Variants in IDH2 observed in about 807,000 individuals in gnomAD.
IDH2 encodes the protein isocitrate dehydrogenase (NADP(+)) 2, also known as isocitrate dehydrogenase [NADP], mitochondrial.
In IDH2, 18 loss-of-function variants were observed where a neutral mutation model predicts 50.5. That is an observed-to-expected ratio of 0.36 (90% CI 0.25 to 0.53). The LOEUF (loss-of-function observed/expected upper bound fraction) is 0.53, where lower values mean the gene tolerates loss of function less well. Ranked by LOEUF, IDH2 falls within the 20% of genes least tolerant of loss-of-function variation. The pLI is 0.92. For synonymous variants in IDH2, 280 were observed against 239.8 expected (o/e 1.17, Z -1.55); for missense variants, 518 against 610.7 (o/e 0.85, Z 1.60).
At position 90,088,451 on chromosome 15, in the gene IDH2, A is replaced by T. The variant is rs917135445; in HGVS notation, c.586T>A (p.Phe196Ile). The part of the protein sequence containing the change: ...ADRAGTFKMV[F>I]TPKDGSGVKE... ...ACACCACTGCCATCTTTTGGGGTGA[A>T]GACCATTTTGAAAGTGCCGGCCCGG... is the stretch of plus-strand genomic sequence containing the variant. Residue 196 changes from phenylalanine (F) to isoleucine (I), a missense_variant, in exon 5 of 11, where the codon TTC becomes ATC. Phe to Ile is a conservative substitution (Grantham distance 21). This residue lies in a region of IDH2 where 207 missense variants were observed against 208.6 expected (regional missense o/e 0.99). Transcript: ENST00000330062. The T allele has an allele frequency of 6.2e-7, 1 of 1,614,204 alleles. No homozygotes were observed. The highest frequency in any genetic ancestry group is 8.5e-7 in the Non-Finnish European group (1 of 1,180,030).
intron 5 of IDH2, among the ~76,000 whole-genome samples, chr15:90,088,011 T>C (rs1477808297): frequency 1.3e-5 from 2 of 152,162 alleles, no homozygotes; most frequent in East Asian, 1.9e-4. Flanking sequence ...GAGCTGGAAC[T>C]GGGGATAAAG....
chr15:90,099,476 G>A (rs1174198987), intron 1 of IDH2, among the ~76,000 whole-genome samples: 1 of 152,104 alleles, frequency 6.6e-6, no homozygotes, highest in East Asian at 1.9e-4. Context: ...CTTTTTGGGG[G>A]GAGAAGGGGG....
chr15:90,102,088 G>T lies in IDH2; in HGVS notation c.115+188C>A, dbSNP rs1901348311. ...CCGTCCCTCAAGTCCCCACCCCAGC[G>T]CCTGGCACGGCCGGGAAGCGCCGGG... On this transcript the variant is annotated intron_variant, in intron 1 of 10. Coordinates refer to ENST00000330062, the MANE Select transcript of IDH2 (RefSeq NM_002168.4). Among the ~76,000 whole-genome samples, 4 of 151,884 alleles carry T rather than the reference G, an allele frequency of 2.6e-5. No homozygotes were observed. In the South Asian group the frequency reaches 8.3e-4, roughly 31 times the overall value.
At chr15:90,092,813 A>G (rs538076487) in intron 1 of IDH2, among the ~76,000 whole-genome samples, 2 of 152,254 alleles carry the variant, frequency 1.3e-5, no homozygotes, top group Admixed American at 6.5e-5. Flanking sequence ...CCTGACCTCA[A>G]GTGATCCACC....
rs561237245 is a variant in IDH2 at position 90,083,980 on chromosome 15, T to C, written c.*286A>G. ...TCAGGGACAAACACAGCAGACAATT[T>C]TGTGAAGAGCTTTTTAGTAGCTAAA... On this transcript the variant is annotated 3_prime_UTR_variant, in exon 11 of 11. Transcript: ENST00000330062. 11 of 501,010 alleles carry C rather than the reference T, an allele frequency of 2.2e-5. 1 individual carries two copies. In the South Asian group the frequency reaches 2.3e-4, roughly 11 times the overall value. The allele number at this position is 501,010 out of a possible 1,614,324, so 31.0% of individuals were successfully genotyped here. A position where few individuals can be genotyped will look rare whatever the true frequency, so the allele number is the denominator to read the frequency against.
Position 90,088,439 on chromosome 15 carries a change from C to T in IDH2, c.598G>A (p.Asp200Asn). Reference protein sequence around the residue: ...GTFKMVFTPKDGSGVKEWEVY... With the variant: ...GTFKMVFTPKNGSGVKEWEVY... ...TCCCACTCCTTGACACCACTGCCAT[C>T]TTTTGGGGTGAAGACCATTTTGAAA... Residue 200 changes from aspartate (D) to asparagine (N), a missense_variant, in exon 5 of 11, where the codon GAT becomes AAT. Around this residue, in one of 5 missense-constraint regions of IDH2, gnomAD observed 207 missense variants for 208.6 expected, o/e 0.99. Coordinates refer to ENST00000330062, the MANE Select transcript of IDH2 (RefSeq NM_002168.4). 2 of 1,614,240 alleles carry T rather than the reference C, an allele frequency of 1.2e-6. No homozygotes were observed. Among genetic ancestry groups the T allele is most frequent in the African/African-American group, 1.3e-5 (1 of 75,070 alleles).
Position 90,090,570 on chromosome 15 carries a change from G to C in IDH2, c.282C>G (p.Asp94Glu), listed in dbSNP as rs1363662099. The change falls in exon 3 of 11, where the codon GAC (aspartate) becomes GAG (glutamate). Residue 94 changes from aspartate (D) to glutamate (E), a missense_variant. Asp to Glu is a conservative substitution (Grantham distance 45, BLOSUM62 2). Around this residue, in one of 5 missense-constraint regions of IDH2, gnomAD observed 68 missense variants for 109.7 expected, o/e 0.62. Transcript: ENST00000330062. ...LGLPNRDQTDDQVTIDSALAT... is the reference protein window; with the variant it reads ...LGLPNRDQTDEQVTIDSALAT... Reference sequence around the variant, plus strand: ...CCAGTGCAGAGTCAATGGTGACCTGGTCATCAGTCTGGTCACGGTTTGGGA... The same window carrying C: ...CCAGTGCAGAGTCAATGGTGACCTGCTCATCAGTCTGGTCACGGTTTGGGA... The C allele has an allele frequency of 1.2e-6, 2 of 1,614,120 alleles. No homozygotes were observed. The highest frequency in any genetic ancestry group is 1.7e-5 in the Admixed American group (1 of 60,026).
chr15:90,088,398 G>A lies in IDH2; in HGVS notation c.639C>T (p.Pro213=), dbSNP rs1409403464. ...ACATGCCCATGCCCACGCCGCCTGC[G>A]GGGAAGTTGTACACTTCCCACTCCT... The part of the protein sequence containing the change: ...GVKEWEVYNF[P]AGGVGMGMYN... Residue 213 remains proline (P), a synonymous_variant, in exon 5 of 11, where the codon CCC becomes CCT. Coordinates refer to ENST00000330062, the MANE Select transcript of IDH2 (RefSeq NM_002168.4). 33 of 1,614,032 alleles carry A rather than the reference G, an allele frequency of 2.0e-5. No homozygotes were observed. The highest frequency in any genetic ancestry group is 8.0e-5 in the African/African-American group (6 of 74,932).
chr15:90,086,435 C>A (rs1567253287), intron 7 of IDH2, among the ~76,000 whole-genome samples: 1 of 151,764 alleles, frequency 6.6e-6, no homozygotes, highest in Non-Finnish European at 1.5e-5. Flanking sequence ...CCCTTGTTGC[C>A]CAGGCTGGAG....
intron 3 of IDH2, among the ~76,000 whole-genome samples, 163 bp downstream of exon 3, chr15:90,090,316 G>T (rs1323002406): frequency 6.6e-6 from 1 of 152,210 alleles, no homozygotes; most frequent in Non-Finnish European, 1.5e-5. Flanking sequence ...CAGGGAGACT[G>T]GCCTCAGGTG....
chr15:90,101,345 G>A (rs1170261152), intron 1 of IDH2, among the ~76,000 whole-genome samples: 6 of 152,198 alleles, frequency 3.9e-5, no homozygotes, highest in African/African-American at 1.2e-4. Flanking sequence ...GCAGGGCCAA[G>A]GGACCTACAT....
chr15:90,091,002 G>C (rs189225369), intron 2 of IDH2, among the ~76,000 whole-genome samples: 2 of 152,294 alleles, frequency 1.3e-5, no homozygotes, highest in African/African-American at 4.8e-5. Context: ...CTTCTCAAGT[G>C]CTTTGAGATC....
At chr15:90,101,647 A>G (rs534837906) in intron 1 of IDH2, among the ~76,000 whole-genome samples, 4 of 144,068 alleles carry the variant, frequency 2.8e-5, no homozygotes, top group Non-Finnish European at 4.6e-5. Flanking sequence ...AGGCCCCAGG[A>G]TGGAGCCTCA....
At chr15:90,099,380 C>T (rs1239531167) in intron 1 of IDH2, among the ~76,000 whole-genome samples, 3 of 152,156 alleles carry the variant, frequency 2.0e-5, no homozygotes, top group African/African-American at 7.2e-5. Flanking sequence ...CCCTCCTCAG[C>T]GATTCCTTCA....
Position 90,085,251 on chromosome 15 carries a change from T to A in IDH2, c.1080+24A>T. 1 of 1,528,476 alleles carries A rather than the reference T, an allele frequency of 6.5e-7. No homozygotes were observed. Among genetic ancestry groups the A allele is most frequent in the South Asian group, 1.2e-5 (1 of 85,354 alleles). The allele number at this position is 1,528,476 out of a possible 1,614,324, so 94.7% of individuals were successfully genotyped here. On this transcript the variant is annotated intron_variant, in intron 8 of 10. Coordinates refer to ENST00000330062, the MANE Select transcript of IDH2 (RefSeq NM_002168.4). The surrounding 1 kb of genome is among the most constrained non-coding windows in gnomAD (Gnocchi z 5.5). ...AGGCCCCTGGGGTAGAGGGGCATTG[T>A]GAGGCCCCATGCCCTGCACTCACCT...
At chr15:90,099,775 C>G (rs1901282122) in intron 1 of IDH2, among the ~76,000 whole-genome samples, 1 of 152,046 alleles carries the variant, frequency 6.6e-6, no homozygotes, top group Non-Finnish European at 1.5e-5. Flanking sequence ...GCTCTTGTAC[C>G]CATATATCAT....
rs774623780 is a variant in IDH2, at chr15:90,085,343, C to A, written c.1012G>T (p.Asp338Tyr). The part of the protein sequence containing the change: ...GLMTSVLVCP[D>Y]GKTIEAEAAH... ...GCCTCAGCCTCAATCGTCTTCCCAT[C>A]AGGGCAGACCAGGACGGACGTCATC... is the stretch of plus-strand genomic sequence containing the variant. Residue 338 changes from aspartate (D) to tyrosine (Y), a missense_variant, in exon 8 of 11, where the codon GAT (aspartate) becomes TAT (tyrosine). Transcript: ENST00000330062. The surrounding 1 kb of genome is among the most constrained non-coding windows in gnomAD (Gnocchi z 5.5). 1 of 1,555,838 alleles carries A rather than the reference C, an allele frequency of 6.4e-7. No homozygotes were observed. Among genetic ancestry groups the A allele is most frequent in the Non-Finnish European group, 8.7e-7 (1 of 1,149,040 alleles).
rs1901258636 is a variant in IDH2, at chr15:90,098,877, T to C, written c.115+3399A>G. Among the ~76,000 whole-genome samples the C allele has an allele frequency of 6.6e-6, 1 of 152,126 alleles. No homozygotes were observed. The highest frequency in any genetic ancestry group is 2.4e-5 in the African/African-American group (1 of 41,410). ...AACTCTAGTAGACTCCTTGGTGTCA[T>C]CCTTCATTCCTTCCCTTCTCTCACA... On this transcript the variant is annotated intron_variant, in intron 1 of 10. Transcript: ENST00000330062. This position sits in a 1 kb window ranked among gnomAD's most constrained non-coding sequence, Gnocchi z 5.1.
At chr15:90,088,224 GCC>G in intron 5 of IDH2, 133 bp downstream of exon 5, 1 of 1,159,098 alleles carries the variant, frequency 8.6e-7, no homozygotes, top group Non-Finnish European at 1.3e-6. Context: ...CAGCCACCAT[GCC>G]CAGCCCTGGT....
Sources: gnomAD v4.1 joint callset for allele counts (sites outside exome capture counted in the v4.1 genomes callset) on GRCh38, gnomAD v4.1.1 for gene constraint, gnomAD v4.1.1 regional missense constraint, Gnocchi (gnomAD v3.1) non-coding constraint, MANE v1.5 for transcripts, NCBI Gene and HGNC (gene_info 2026-07-23, HGNC 2026-07-21) for gene names.